The following SNTG1 variants were observed in gnomAD, a reference collection of about 807,000 sequenced individuals.
SNTG1 encodes gamma-1-syntrophin.
Under a neutral mutation model 74.7 loss-of-function variants are expected in SNTG1, and 39 were observed. The ratio of observed to expected loss-of-function variants is 0.52; its 90% CI spans 0.40 to 0.68. SNTG1 has a LOEUF of 0.68. SNTG1 is among the 30% of genes least tolerant of loss of function. SNTG1 has a pLI of 0.00. For missense variants in SNTG1, 685 were observed against 609.5 expected (o/e 1.12, Z -1.30); for synonymous variants, 254 against 217.1 (o/e 1.17, Z -1.49).
Position 50,551,414 on chromosome 8 carries a change from T to C in SNTG1, c.681-1636T>C, listed in dbSNP as rs1192514508. ...GATTGAAGATTTGATCTAAGTGTAT[T>C]GACTTTTATTAGCTAAAAAATCTAG... On this transcript the variant is annotated intron_variant, in intron 11 of 18. Transcript: ENST00000642720. Among the ~76,000 whole-genome samples, 4 of 152,174 alleles carry C rather than the reference T, an allele frequency of 2.6e-5. No homozygotes were observed. The East Asian group carries it at 7.7e-4, about 29-fold the overall frequency.
At chr8:50,455,701 A>G (rs1023173385) in intron 8 of SNTG1, among the ~76,000 whole-genome samples, 1 of 152,208 alleles carries the variant, frequency 6.6e-6, no homozygotes, top group Admixed American at 6.5e-5. Flanking sequence ...ATAACAAATT[A>G]TCTGGAAAAA....
intron 1 of SNTG1, among the ~76,000 whole-genome samples, chr8:50,073,972 T>C (rs534302480): frequency 6.7e-6 from 1 of 150,006 alleles, no homozygotes; most frequent in East Asian, 2.0e-4. Context: ...TTAAGGGCCC[T>C]AGGATTTTCA....
At chr8:50,601,579 G>A (rs2130932894) in intron 13 of SNTG1, among the ~76,000 whole-genome samples, 1 of 152,284 alleles carries the variant, frequency 6.6e-6, no homozygotes, top group East Asian at 1.9e-4. Context: ...GTGCTGAGGA[G>A]AAGAATGTTT....
intron 2 of SNTG1, among the ~76,000 whole-genome samples, chr8:50,308,547 G>A (rs368238513): frequency 1.6e-4 from 24 of 152,108 alleles, no homozygotes; most frequent in East Asian, 9.7e-4. Context: ...ATTTAAGAAT[G>A]TTAAAAAATC....
At chr8:50,201,702 T>G (rs140472178) in intron 2 of SNTG1, among the ~76,000 whole-genome samples, 9 of 152,280 alleles carry the variant, frequency 5.9e-5, no homozygotes, top group African/African-American at 1.9e-4. Flanking sequence ...GCTTTTCTTT[T>G]AGACAATCTC....
At chr8:50,715,903 C>A (rs1472752258) in intron 17 of SNTG1, among the ~76,000 whole-genome samples, 1 of 152,128 alleles carries the variant, frequency 6.6e-6, no homozygotes, top group Non-Finnish European at 1.5e-5. Flanking sequence ...TCATGAAATA[C>A]CTTAATCTTT....
At chr8:50,553,498 C>T (rs1393816031) in intron 12 of SNTG1, among the ~76,000 whole-genome samples, 1 of 152,124 alleles carries the variant, frequency 6.6e-6, no homozygotes, top group Admixed American at 6.6e-5. Context: ...GGTTTCAAGA[C>T]AGCATTATTG....
chr8:50,415,036 T>A (rs542449611), intron 4 of SNTG1, among the ~76,000 whole-genome samples: 26 of 152,330 alleles, frequency 1.7e-4, no homozygotes, highest in African/African-American at 5.5e-4. Flanking sequence ...TAATTCACTT[T>A]GTCTAAAACT....
intron 9 of SNTG1, among the ~76,000 whole-genome samples, chr8:50,512,610 C>T (rs761102737): frequency 3.9e-5 from 6 of 152,142 alleles, no homozygotes; most frequent in Non-Finnish European, 7.3e-5. Flanking sequence ...AGGCTTTGCT[C>T]GTTTCTTTTT....
chr8:50,531,542 T>C (rs959339344), intron 10 of SNTG1, among the ~76,000 whole-genome samples: 7 of 152,192 alleles, frequency 4.6e-5, no homozygotes, highest in African/African-American at 1.7e-4. Context: ...ATAATTTCGA[T>C]CCACTTCTGT....
intron 13 of SNTG1, among the ~76,000 whole-genome samples, chr8:50,607,181 T>C (rs1186157763): frequency 1.3e-5 from 2 of 151,894 alleles, no homozygotes; most frequent in South Asian, 2.1e-4. Flanking sequence ...TTTTCATATA[T>C]TTGGGAATGT....
intron 10 of SNTG1, among the ~76,000 whole-genome samples, chr8:50,531,894 A>C (rs1249703386): frequency 6.6e-6 from 1 of 152,176 alleles, no homozygotes; most frequent in Non-Finnish European, 1.5e-5. Context: ...GAGGAGTCAG[A>C]GTGGCAGGTC....
At chr8:50,693,727 G>A (rs2095392584) in intron 15 of SNTG1, among the ~76,000 whole-genome samples, 1 of 152,094 alleles carries the variant, frequency 6.6e-6, no homozygotes, top group Non-Finnish European at 1.5e-5. Context: ...ACAAGTCTCA[G>A]CAAATTTATG....
intron 17 of SNTG1, among the ~76,000 whole-genome samples, chr8:50,747,109 G>A (rs1270812900): frequency 6.6e-6 from 1 of 151,554 alleles, no homozygotes; most frequent in Non-Finnish European, 1.5e-5. Flanking sequence ...AGTAAGAAAT[G>A]AATTTCATTA....
At chr8:50,075,028 C>A (rs543172055) in intron 1 of SNTG1, among the ~76,000 whole-genome samples, 1 of 152,218 alleles carries the variant, frequency 6.6e-6, no homozygotes, top group Non-Finnish European at 1.5e-5. Flanking sequence ...AGAGGGTACA[C>A]TGGGTCCCCC....
intron 2 of SNTG1, among the ~76,000 whole-genome samples, chr8:50,180,984 G>A (rs1370992527): frequency 2.6e-5 from 4 of 151,940 alleles, no homozygotes; most frequent in Non-Finnish European, 4.4e-5. Context: ...GTCTGGTCTC[G>A]AACTCCTGGC....
At chr8:50,297,121 G>C (rs767320488) in intron 2 of SNTG1, among the ~76,000 whole-genome samples, 5 of 152,042 alleles carry the variant, frequency 3.3e-5, no homozygotes, top group Non-Finnish European at 5.9e-5. Flanking sequence ...ATTATTTTTC[G>C]AATGGGAAAC....
chr8:50,705,113 G>T (rs2095439031), intron 16 of SNTG1, among the ~76,000 whole-genome samples: 1 of 151,946 alleles, frequency 6.6e-6, no homozygotes. Context: ...CAGCCTGTTG[G>T]CGTCATTTAC....
chr8:50,262,637 C>T (rs2087252963), intron 2 of SNTG1, among the ~76,000 whole-genome samples: 1 of 152,056 alleles, frequency 6.6e-6, no homozygotes, highest in African/African-American at 2.4e-5. Flanking sequence ...TCTCGATCTC[C>T]TGACTTTGTG....
Sources: allele counts gnomAD v4.1 joint callset (sites outside exome capture counted in the v4.1 genomes callset), GRCh38; gene constraint gnomAD v4.1.1; transcripts MANE v1.5; gene names NCBI Gene and HGNC (gene_info 2026-07-23, HGNC 2026-07-21).